The following SEC31A variants were observed in gnomAD, a reference collection of about 807,000 sequenced individuals.
SEC31A encodes the protein SEC31 homolog A, COPII component.
Under a neutral mutation model 151.0 loss-of-function variants are expected in SEC31A, and 70 were observed. The ratio of observed to expected loss-of-function variants is 0.46; its 90% CI spans 0.38 to 0.57. SEC31A has a LOEUF of 0.57. SEC31A is among the 20% of genes least tolerant of loss of function. SEC31A has a pLI of 0.00. For synonymous variants in SEC31A, 475 were observed against 505.9 expected (o/e 0.94, Z 0.82); for missense variants, 1,330 against 1,471.2 (o/e 0.90, Z 1.57).
chr4:82,879,125 A>AT (rs1258663376), intron 3 of SEC31A, among the ~76,000 whole-genome samples, 197 bp from the exon 4 acceptor site: 1 of 152,132 alleles, frequency 6.6e-6, no homozygotes, highest in Admixed American at 6.6e-5. Context: ...TGCATATGTG[A>AT]TTTTGTAATC....
intron 8 of SEC31A, among the ~76,000 whole-genome samples, chr4:82,868,298 A>G (rs1454982775): frequency 2.0e-5 from 3 of 152,152 alleles, no homozygotes; most frequent in Admixed American, 6.5e-5. Flanking sequence ...CAGGAGTTCA[A>G]GACCAGCATG....
chr4:82,861,872 G>A (rs2149482851), intron 13 of SEC31A, 164 bp from the exon 14 acceptor site: 1 of 247,560 alleles, frequency 4.0e-6, no homozygotes, highest in East Asian at 8.2e-5. Flanking sequence ...TAGAGGAAAA[G>A]CAAAGAACTA....
intron 1 of SEC31A, among the ~76,000 whole-genome samples, chr4:82,889,428 TC>T (rs1456941321): frequency 6.6e-6 from 1 of 151,918 alleles, no homozygotes; most frequent in Non-Finnish European, 1.5e-5. Flanking sequence ...ACGTGCATAT[TC>T]CTAGCTACTT....
intron 24 of SEC31A, among the ~76,000 whole-genome samples, chr4:82,825,265 A>G (rs1055208619): frequency 6.6e-6 from 1 of 152,224 alleles, no homozygotes; most frequent in Non-Finnish European, 1.5e-5. Flanking sequence ...ATATTAGGCA[A>G]CTATTTACCA....
At chr4:82,839,222 C>T (rs1470125580) in intron 22 of SEC31A, among the ~76,000 whole-genome samples, 1 of 152,178 alleles carries the variant, frequency 6.6e-6, no homozygotes, top group African/African-American at 2.4e-5. Flanking sequence ...GCGATCTCGG[C>T]TCACTTCAAT....
intron 18 of SEC31A, among the ~76,000 whole-genome samples, chr4:82,853,096 G>A (rs535401484): frequency 1.3e-5 from 2 of 152,204 alleles, no homozygotes; most frequent in Non-Finnish European, 2.9e-5. Flanking sequence ...GGCCACAGAA[G>A]GGTACTGGTT....
intron 1 of SEC31A, among the ~76,000 whole-genome samples, chr4:82,887,440 G>A (rs1475741857): frequency 6.6e-6 from 1 of 152,142 alleles, no homozygotes; most frequent in East Asian, 1.9e-4. Flanking sequence ...AATTGTGTGG[G>A]CTTGTTCATA....
Position 82,829,097 on chromosome 4 carries a change from T to C in SEC31A, c.2969-39A>G, listed in dbSNP as rs749909176. On this transcript the variant is annotated intron_variant, in intron 22 of 26. Transcript: ENST00000395310. ...CAGAGAATGTTTTCCTTTAGAATCC[T>C]GAAAGGAAAAAAAATAAAACTGAAT... 6.0e-5 allele frequency: 91 copies of C among 1,525,362 alleles called. 1 individual carries two copies. The highest frequency in any genetic ancestry group is 7.7e-5 in the Non-Finnish European group (85 of 1,101,538). 94.5% of individuals were successfully genotyped at this position (1,525,362 alleles called of 1,614,324 possible). A position where few individuals can be genotyped will look rare whatever the true frequency, so the allele number is the denominator to read the frequency against.
Position 82,867,175 on chromosome 4 carries a change from T to A in SEC31A, c.1024A>T (p.Arg342Ter). ...SIMGGSTDGL[R>*]QKQVDKLSSS... ...ATTACCTTGTCAACTTGTTTCTGTCTTAAACCATCTGTGCTACCTCCCATG... is the reference window on the plus strand; with the variant it reads ...ATTACCTTGTCAACTTGTTTCTGTCATAAACCATCTGTGCTACCTCCCATG... The change falls in exon 9 of 27, where the codon AGA becomes TGA. Residue 342 changes from arginine (R) to a stop codon, truncating the protein, a stop_gained. Coordinates refer to ENST00000395310, the MANE Select transcript of SEC31A (RefSeq NM_001077207.4). LOFTEE classifies it high-confidence loss of function. 1 of 1,613,916 alleles carries A rather than the reference T, an allele frequency of 6.2e-7. No homozygotes were observed. Among genetic ancestry groups the A allele is most frequent in the Non-Finnish European group, 8.5e-7 (1 of 1,179,824 alleles).
intron 1 of SEC31A, among the ~76,000 whole-genome samples, chr4:82,884,501 C>T (rs946680167): frequency 2.0e-5 from 3 of 152,168 alleles, no homozygotes; most frequent in African/African-American, 7.2e-5. Flanking sequence ...TTTCTCACCA[C>T]CAACATCGCA....
intron 13 of SEC31A, 169 bp from the exon 14 acceptor site, chr4:82,861,877 G>T: frequency 9.4e-6 from 2 of 213,670 alleles, no homozygotes; most frequent in Non-Finnish European, 1.9e-5. Flanking sequence ...GAAAAGCAAA[G>T]AACTATTACT....
At chr4:82,881,290 C>T (rs1052536426) in intron 2 of SEC31A, among the ~76,000 whole-genome samples, 26 of 152,004 alleles carry the variant, frequency 1.7e-4, no homozygotes, top group Admixed American at 7.2e-4. Context: ...ATGGTGAAAT[C>T]CCATCTCTAC....
Position 82,844,368 on chromosome 4 carries a change from T to C in SEC31A, c.2626+18A>G, listed in dbSNP as rs973504333. On this transcript the variant is annotated intron_variant, in intron 21 of 26. Coordinates refer to ENST00000395310, the MANE Select transcript of SEC31A (RefSeq NM_001077207.4). ...CATAAATACTGCTCTGAAAGGACTT[T>C]GGGGTCACACTACTTACGCTGTGGC... 1 of 1,610,894 alleles carries C rather than the reference T, an allele frequency of 6.2e-7. No individual in the cohort carries two copies. Among genetic ancestry groups the C allele is most frequent in the Non-Finnish European group, 8.5e-7 (1 of 1,178,902 alleles).
At chr4:82,844,185 T>C (rs1729535939) in intron 21 of SEC31A, 2 of 513,600 alleles carry the variant, frequency 3.9e-6, no homozygotes, top group South Asian at 7.2e-5. Flanking sequence ...CTCTGAACAG[T>C]GTGACAAAGG....
chr4:82,860,038 C>T (rs532632986), intron 14 of SEC31A, among the ~76,000 whole-genome samples: 4 of 152,194 alleles, frequency 2.6e-5, no homozygotes, highest in South Asian at 4.2e-4. Context: ...GTGATCTGCC[C>T]GCCTCGGCCT....
At chr4:82,847,506 T>G (rs759215409) in intron 20 of SEC31A, among the ~76,000 whole-genome samples, 27 of 152,352 alleles carry the variant, frequency 1.8e-4, no homozygotes, top group Non-Finnish European at 3.2e-4. Context: ...TCTCTTTTCC[T>G]AATGTAGAGC....
At chr4:82,889,800 G>A (rs1208500525) in intron 1 of SEC31A, among the ~76,000 whole-genome samples, 6 of 152,162 alleles carry the variant, frequency 3.9e-5, no homozygotes, top group Middle Eastern at 3.4e-3. Flanking sequence ...AACCGCGGAC[G>A]TATTTAAGAT....
exon 1 of SEC31A, chr4:82,900,501 G>A (rs774441394): frequency 1.2e-4 from 50 of 426,754 alleles, no homozygotes; most frequent in Non-Finnish European, 1.9e-4. Context: ...GAAAACAGAA[G>A]GAAAATAAAC....
At chr4:82,853,301 C>A (rs967663379) in intron 18 of SEC31A, among the ~76,000 whole-genome samples, 1 of 152,126 alleles carries the variant, frequency 6.6e-6, no homozygotes, top group Non-Finnish European at 1.5e-5. Context: ...AAGAGGTAAA[C>A]CCTAGAGCTG....
Sources: gnomAD v4.1 joint callset for allele counts (sites outside exome capture counted in the v4.1 genomes callset) on GRCh38, gnomAD v4.1.1 for gene constraint, MANE v1.5 for transcripts, NCBI Gene and HGNC (gene_info 2026-07-23, HGNC 2026-07-21) for gene names.